MSRA: variants seen among roughly 807,000 people sequenced by gnomAD.
The protein encoded by MSRA is mitochondrial peptide methionine sulfoxide reductase.
Under a neutral mutation model 31.3 loss-of-function variants are expected in MSRA, and 54 were observed. The ratio of observed to expected loss-of-function variants is 1.73; its 90% CI spans 1.39 to 2.17. MSRA has a LOEUF of 2.17. MSRA is among the 30% of genes most tolerant of loss of function. MSRA has a pLI of 0.00. For missense variants in MSRA, 507 were observed against 300.9 expected, an observed-to-expected ratio of 1.69 and a Z score of -5.07; for synonymous variants, 169 against 116.5, an observed-to-expected ratio of 1.45 and a Z score of -2.90.
intron 5 of MSRA, among the ~76,000 whole-genome samples, chr8:10,363,671 G>A (rs1804984846): frequency 3.3e-5 from 5 of 151,242 alleles, no homozygotes; most frequent in Non-Finnish European, 7.4e-5. Flanking sequence ...AGAACACACA[G>A]GGGTGGGTGG....
chr8:10,061,591 C>G (rs530526102), intron 1 of MSRA, among the ~76,000 whole-genome samples: 23 of 152,208 alleles, frequency 1.5e-4, no homozygotes, highest in Middle Eastern at 3.4e-3. Context: ...GTGCTGCCCA[C>G]CAAGAACTCA....
At chr8:10,121,494 G>C (rs1054334180) in intron 1 of MSRA, among the ~76,000 whole-genome samples, 4 of 152,232 alleles carry the variant, frequency 2.6e-5, no homozygotes, top group African/African-American at 9.6e-5. Flanking sequence ...TTTTGTGGGG[G>C]CAGGTGTGGC....
At chr8:10,152,722 C>T (rs780816102) in intron 1 of MSRA, among the ~76,000 whole-genome samples, 1 of 152,224 alleles carries the variant, frequency 6.6e-6, no homozygotes, top group Non-Finnish European at 1.5e-5. Context: ...ACGCACACTT[C>T]ATGTTCACAG....
At chr8:10,160,710 A>C (rs1429178380) in intron 1 of MSRA, among the ~76,000 whole-genome samples, 2 of 152,016 alleles carry the variant, frequency 1.3e-5, no homozygotes, top group African/African-American at 2.4e-5. Flanking sequence ...TTGTATTTTT[A>C]GTAGAGACAG....
intron 1 of MSRA, among the ~76,000 whole-genome samples, chr8:10,073,885 C>A (rs1039908447): frequency 6.6e-6 from 1 of 151,900 alleles, no homozygotes; most frequent in East Asian, 1.9e-4. Context: ...AACCTTCTTT[C>A]CTGCCTTGAT....
intron 5 of MSRA, among the ~76,000 whole-genome samples, chr8:10,392,268 C>T (rs1052553142): frequency 1.3e-5 from 2 of 152,204 alleles, no homozygotes; most frequent in Non-Finnish European, 2.9e-5. Context: ...AACTTAAATG[C>T]CAGGGCTTCC....
chr8:10,062,808 G>A (rs1797275107), intron 1 of MSRA, among the ~76,000 whole-genome samples: 1 of 152,306 alleles, frequency 6.6e-6, no homozygotes, highest in Admixed American at 6.5e-5. Context: ...GTATGTGATA[G>A]GAGTGGATCG....
At chr8:10,238,874 A>T (rs1812167403) in intron 2 of MSRA, among the ~76,000 whole-genome samples, 2 of 152,338 alleles carry the variant, frequency 1.3e-5, no homozygotes, top group South Asian at 4.1e-4. Context: ...TACAGAAAAC[A>T]TAAATGATAA....
chr8:10,164,929 G>A (rs1182165938), intron 1 of MSRA, among the ~76,000 whole-genome samples: 2 of 152,186 alleles, frequency 1.3e-5, no homozygotes, highest in African/African-American at 2.4e-5. Context: ...TCAGGAGGCT[G>A]AGGCAGGAGA....
At chr8:10,248,461 T>G (rs576424802) in intron 3 of MSRA, among the ~76,000 whole-genome samples, 2 of 152,208 alleles carry the variant, frequency 1.3e-5, no homozygotes, top group South Asian at 4.2e-4. Flanking sequence ...CCACAAGCAT[T>G]ATCTCAGCAC....
chr8:10,405,107 C>T (rs545592833), intron 5 of MSRA, among the ~76,000 whole-genome samples: 4 of 152,178 alleles, frequency 2.6e-5, no homozygotes, highest in Non-Finnish European at 5.9e-5. Context: ...TCCATGAGAG[C>T]CCAAGTGCAC....
chr8:10,405,810 C>T (rs1030389501), intron 5 of MSRA, among the ~76,000 whole-genome samples: 5 of 151,070 alleles, frequency 3.3e-5, no homozygotes, highest in Non-Finnish European at 4.4e-5. Context: ...CACATGCTCG[C>T]GTACACCCAT....
chr8:10,190,207 G>A (rs1367401460), intron 1 of MSRA, among the ~76,000 whole-genome samples: 1 of 152,136 alleles, frequency 6.6e-6, no homozygotes, highest in African/African-American at 2.4e-5. Flanking sequence ...TTGTGGGCAT[G>A]AGGACCTTCC....
At chr8:10,243,085 G>A (rs1585255454) in intron 2 of MSRA, among the ~76,000 whole-genome samples, 1 of 152,138 alleles carries the variant, frequency 6.6e-6, no homozygotes, top group Non-Finnish European at 1.5e-5. Context: ...AAAACCTGGG[G>A]CTATTGGAGT....
chr8:10,391,277 C>G (rs1011483126), intron 5 of MSRA, among the ~76,000 whole-genome samples: 4 of 152,160 alleles, frequency 2.6e-5, no homozygotes, highest in African/African-American at 9.7e-5. Context: ...GCTGAAGACC[C>G]GGACTCAAGG....
chr8:10,131,741 C>G (rs897978123), intron 1 of MSRA, among the ~76,000 whole-genome samples: 1 of 152,178 alleles, frequency 6.6e-6, no homozygotes, highest in African/African-American at 2.4e-5. Context: ...CACCCTGCAG[C>G]CAGCCACTGG....
rs534886459 is a variant in MSRA at position 10,270,753 on chromosome 8, A to G, written c.331+25530A>G. Among the ~76,000 whole-genome samples, 3 of 152,378 alleles carry G rather than the reference A, an allele frequency of 2.0e-5. No individual in the cohort carries two copies. In the South Asian group the frequency reaches 6.2e-4, roughly 32 times the overall value. ...TATTCATCATTAGCTCATTCACATC[A>G]GACCCTATGAAGAATTTAGGAAAGC... On this transcript the variant is annotated intron_variant, in intron 3 of 5. Coordinates refer to ENST00000317173, the MANE Select transcript of MSRA (RefSeq NM_012331.5).
At chr8:10,133,317 T>C (rs1325165387) in intron 1 of MSRA, among the ~76,000 whole-genome samples, 1 of 152,160 alleles carries the variant, frequency 6.6e-6, no homozygotes, top group Non-Finnish European at 1.5e-5. Flanking sequence ...ATATTATTAA[T>C]ATGTATTAGA....
chr8:10,324,207 G>A (rs139600516), intron 5 of MSRA, among the ~76,000 whole-genome samples: 85 of 152,338 alleles, frequency 5.6e-4, no homozygotes, highest in African/African-American at 1.7e-3. Flanking sequence ...TTCCTCAGTG[G>A]CTAGTGTGAC....
Sources: allele counts gnomAD v4.1 joint callset (sites outside exome capture counted in the v4.1 genomes callset), GRCh38; gene constraint gnomAD v4.1.1; transcripts MANE v1.5; gene names NCBI Gene and HGNC (gene_info 2026-07-23, HGNC 2026-07-21).